Variants in SH2B3 observed in about 807,000 individuals in gnomAD.
SH2B3 encodes the protein SH2B adaptor protein 3.
In SH2B3, 43 loss-of-function variants were observed where a neutral mutation model predicts 51.9. The observed-to-expected ratio is 0.83, with a 90% CI of 0.65 to 1.07. SH2B3 has a LOEUF of 1.07. Among genes scored for constraint, SH2B3 ranks in the 50% least tolerant of loss-of-function variants. SH2B3 has a pLI of 0.00. For missense variants in SH2B3, 952 were observed against 834.3 expected (o/e 1.14, Z -1.74); for synonymous variants, 396 against 376.0 (o/e 1.05, Z -0.62).
In SH2B3 at chr12:111,448,196, A is replaced by C; in HGVS notation, c.1622A>C (p.His541Pro). ...GAAGAACTGGCCAACAGCCTGCAGCACCTGGAGCATGAGCCTGTGAATCGA... is the reference window on the plus strand; with the variant it reads ...GAAGAACTGGCCAACAGCCTGCAGCCCCTGGAGCATGAGCCTGTGAATCGA... ...SPEELANSLQ[H>P]LEHEPVNRAR... Residue 541 changes from histidine (H) to proline (P), a missense_variant, in exon 8 of 8, where the codon CAC (histidine) becomes CCC (proline). Physicochemically the swap from His to Pro is moderately conservative, Grantham distance 77. Transcript: ENST00000341259. 1.2e-6 allele frequency: 2 copies of C among 1,614,090 alleles called. No homozygotes were observed. Among genetic ancestry groups the C allele is most frequent in the Non-Finnish European group, 1.7e-6 (2 of 1,179,986 alleles).
chr12:111,437,361 C>T (rs1416780029), intron 2 of SH2B3, among the ~76,000 whole-genome samples: 3 of 152,166 alleles, frequency 2.0e-5, no homozygotes, highest in Non-Finnish European at 2.9e-5. Context: ...AAGCTTCTCC[C>T]TTCTCTTTCC....
At chr12:111,441,360 TAAA>T (rs35496164) in intron 2 of SH2B3, among the ~76,000 whole-genome samples, 3 of 136,802 alleles carry the variant, frequency 2.2e-5, no homozygotes, top group Non-Finnish European at 4.7e-5. Flanking sequence ...CCCTATCTCT[TAAA>T]AAAAAAAAAA....
At chr12:111,430,119 C>T (rs1872345779) in intron 2 of SH2B3, among the ~76,000 whole-genome samples, 1 of 152,168 alleles carries the variant, frequency 6.6e-6, no homozygotes, top group African/African-American at 2.4e-5. Context: ...GCCATGTGAC[C>T]CAGGTAGGTC....
chr12:111,447,692 C>T lies in SH2B3; in HGVS notation c.1273C>T (p.Arg425Cys), dbSNP rs200907236. The change falls in exon 7 of 8, where the codon CGT (arginine) becomes TGT (cysteine). Residue 425 changes from arginine (R) to cysteine (C), a missense_variant. By Grantham distance (180) the Arg-to-Cys change is radical. Coordinates refer to ENST00000341259, the MANE Select transcript of SH2B3 (RefSeq NM_005475.3). ...GTCGCTGACAGAGCGGGGCCAGTGC[C>T]GTGTGCAGCACCTCCACTTTCCCTC... ...RLSLTERGQC[R>C]VQHLHFPSVV... 2.4e-5 allele frequency: 39 copies of T among 1,613,522 alleles called. No individual in the cohort carries two copies. Among genetic ancestry groups the T allele is most frequent in the East Asian group, 6.7e-5 (3 of 44,874 alleles).
At chr12:111,447,875 G>A (rs753557486) in intron 7 of SH2B3, 48 bp downstream of exon 7, 1 of 1,591,750 alleles carries the variant, frequency 6.3e-7, no homozygotes, top group Non-Finnish European at 8.6e-7. Flanking sequence ...ACACTGGGTA[G>A]AGGGTAGAGG....
At position 111,418,218 on chromosome 12, in the gene SH2B3, G is replaced by T; in HGVS notation, c.73G>T (p.Gly25Cys). ...AGCCTCCCCGGCGGCGGCCCCGCGG[G>T]GCTGGAGCGAGTTCTGTGAGTTGCA... ...PSASPAAAPR[G>C]WSEFCELHAV... The change falls in exon 2 of 8, where the codon GGC (glycine) becomes TGC (cysteine). Residue 25 changes from glycine to cysteine, a missense_variant. Gly to Cys is a radical substitution (Grantham distance 159). Coordinates refer to ENST00000341259, the MANE Select transcript of SH2B3 (RefSeq NM_005475.3). The surrounding 1 kb of genome is among the most constrained non-coding windows in gnomAD (Gnocchi z 6.7). 1 of 1,582,404 alleles carries T rather than the reference G, an allele frequency of 6.3e-7. No individual in the cohort carries two copies. Among genetic ancestry groups the T allele is most frequent in the East Asian group, 2.3e-5 (1 of 43,634 alleles).
At chr12:111,443,127 A>G (rs1873596403) in intron 2 of SH2B3, among the ~76,000 whole-genome samples, 1 of 152,238 alleles carries the variant, frequency 6.6e-6, no homozygotes, top group East Asian at 1.9e-4. Flanking sequence ...TGAGGCCTAG[A>G]GAGGAAGGGT....
At position 111,450,654 on chromosome 12, in the gene SH2B3, T is replaced by C. The variant is rs1874498443; in HGVS notation, c.*2352T>C. 1 of 152,548 alleles carries C rather than the reference T, an allele frequency of 6.6e-6. No homozygotes were observed. Among genetic ancestry groups the C allele is most frequent in the South Asian group, 2.1e-4 (1 of 4,832 alleles). 9.4% of individuals were successfully genotyped at this position (152,548 alleles called of 1,614,324 possible). On this transcript the variant is annotated 3_prime_UTR_variant, in exon 8 of 8. Coordinates refer to ENST00000341259, the MANE Select transcript of SH2B3 (RefSeq NM_005475.3). ...CAGCTCTGACTAACAGGCTGCAAAG[T>C]GCAAGTTCAGATTCTGTGGCAGAGA...
At chr12:111,437,864 C>CA (rs1334427529) in intron 2 of SH2B3, among the ~76,000 whole-genome samples, 1 of 152,202 alleles carries the variant, frequency 6.6e-6, no homozygotes, top group Non-Finnish European at 1.5e-5. Context: ...CTCATCCATC[C>CA]ATCCACCCGG....
intron 2 of SH2B3, among the ~76,000 whole-genome samples, chr12:111,439,918 G>C (rs1420135670): frequency 6.6e-6 from 1 of 152,142 alleles, no homozygotes; most frequent in Admixed American, 6.5e-5. Flanking sequence ...TCTGGGACTG[G>C]AATCCTGGCT....
chr12:111,445,474 G>A (rs1023383756), intron 2 of SH2B3, among the ~76,000 whole-genome samples: 4 of 152,224 alleles, frequency 2.6e-5, no homozygotes, highest in Non-Finnish European at 5.9e-5. Context: ...CTGGCTGCTG[G>A]ACCTCTGGGA....
chr12:111,419,071 G>A (rs1362188499), intron 2 of SH2B3, among the ~76,000 whole-genome samples, 194 bp downstream of exon 2: 2 of 152,194 alleles, frequency 1.3e-5, no homozygotes, highest in Non-Finnish European at 2.9e-5. Flanking sequence ...AGCACTTTGG[G>A]AGGCCGAGGC....
intron 2 of SH2B3, among the ~76,000 whole-genome samples, chr12:111,436,982 T>G (rs567144346): frequency 5.9e-5 from 9 of 151,984 alleles, no homozygotes; most frequent in Admixed American, 2.0e-4. Context: ...AGTCACTCAG[T>G]GTGAGCTGGG....
At chr12:111,432,601 A>G (rs1017627090) in intron 2 of SH2B3, among the ~76,000 whole-genome samples, 2 of 152,174 alleles carry the variant, frequency 1.3e-5, no homozygotes, top group Non-Finnish European at 2.9e-5. Context: ...AACCCTCACC[A>G]TAATCTAATT....
At position 111,429,318 on chromosome 12, in the gene SH2B3, G is replaced by A. The variant is rs560365933; in HGVS notation, c.732+10441G>A. Among the ~76,000 whole-genome samples the A allele has an allele frequency of 6.6e-5, 10 of 152,270 alleles. No homozygotes were observed. The highest frequency in any genetic ancestry group is 6.2e-4 in the South Asian group (3 of 4,820). ...CTTTGCTGCTGCAGGCATCACTGGC[G>A]TTGTCATTTTTATTTATTATTTATT... On this transcript the variant is annotated intron_variant, in intron 2 of 7. Transcript: ENST00000341259. The surrounding 1 kb of genome is among the most constrained non-coding windows in gnomAD (Gnocchi z 4.4).
chr12:111,417,084 T>C (rs1282575603), intron 1 of SH2B3, among the ~76,000 whole-genome samples: 1 of 152,248 alleles, frequency 6.6e-6, no homozygotes, highest in African/African-American at 2.4e-5. Flanking sequence ...TTTCGCTTAG[T>C]GAATAGCCCT....
chr12:111,405,642 G>C (rs549622950), upstream of SH2B3, among the ~76,000 whole-genome samples: 2 of 152,258 alleles, frequency 1.3e-5, no homozygotes, highest in Admixed American at 1.3e-4. This position sits in a 1 kb window ranked among gnomAD's most constrained non-coding sequence, Gnocchi z 5.4. Flanking sequence ...TCTTCAGACT[G>C]TGGGACGCGA....
At chr12:111,424,133 T>C (rs1281275921) in intron 2 of SH2B3, among the ~76,000 whole-genome samples, 1 of 152,030 alleles carries the variant, frequency 6.6e-6, no homozygotes, top group East Asian at 1.9e-4. Flanking sequence ...AGTGAATATA[T>C]AAAAAATAAA....
rs1164805793 is a variant in SH2B3, at chr12:111,435,540, G to A, written c.733-11213G>A. On this transcript the variant is annotated intron_variant, in intron 2 of 7. Transcript: ENST00000341259. The surrounding 1 kb of genome is among the most constrained non-coding windows in gnomAD (Gnocchi z 4.8). The stretch of plus-strand genomic sequence containing the variant: ...CGCCTGGCTAATTTTTGAATTTTTA[G>A]TAGAGGCAGGGTTTCACCATGTTGG... Among the ~76,000 whole-genome samples the A allele has an allele frequency of 6.6e-6, 1 of 152,176 alleles. No individual in the cohort carries two copies. Among genetic ancestry groups the A allele is most frequent in the Non-Finnish European group, 1.5e-5 (1 of 68,034 alleles).
Sources: allele counts gnomAD v4.1 joint callset (sites outside exome capture counted in the v4.1 genomes callset), GRCh38; gene constraint gnomAD v4.1.1; non-coding constraint Gnocchi (gnomAD v3.1); transcripts MANE v1.5; gene names NCBI Gene and HGNC (gene_info 2026-07-23, HGNC 2026-07-21).